NEK1: variants seen among roughly 807,000 people sequenced by gnomAD.
The protein encoded by NEK1 is NIMA related kinase 1, also known as serine/threonine-protein kinase Nek1.
Under a neutral mutation model 182.1 loss-of-function variants are expected in NEK1, and 137 were observed. The ratio of observed to expected loss-of-function variants is 0.75; its 90% CI spans 0.65 to 0.87. The LOEUF is 0.87. Ranked by LOEUF, NEK1 falls within the 40% of genes least tolerant of loss-of-function variation. The pLI is 0.00. For synonymous variants in NEK1, 513 were observed against 492.2 expected, an observed-to-expected ratio of 1.04 and a Z score of -0.56; for missense variants, 1,391 against 1,494.4, an observed-to-expected ratio of 0.93 and a Z score of 1.14.
chr4:169,477,281 A>AT lies in NEK1; in HGVS notation c.2276dup (p.Asn759LysfsTer4), dbSNP rs757851738. On this transcript the variant is annotated frameshift_variant, in exon 26 of 36. Transcript: ENST00000507142. LOFTEE classifies it high-confidence loss of function. ...CATTTATCTCAAAAGTATCAGAGAG[A>AT]TTCTGCTTTCCTTTTTCATCTTCTT... The AT allele has an allele frequency of 1.3e-6, 2 of 1,594,772 alleles. No individual in the cohort carries two copies. The highest frequency in any genetic ancestry group is 1.7e-6 in the Non-Finnish European group (2 of 1,168,958).
At chr4:169,575,006 C>T (rs1018230450) in intron 12 of NEK1, among the ~76,000 whole-genome samples, 8 of 152,028 alleles carry the variant, frequency 5.3e-5, no homozygotes, top group Non-Finnish European at 1.0e-4. Flanking sequence ...CTTTCAATGA[C>T]AAAAACCCCA....
intron 19 of NEK1, among the ~76,000 whole-genome samples, chr4:169,534,158 T>C (rs1758091841): frequency 6.6e-6 from 1 of 152,158 alleles, no homozygotes; most frequent in South Asian, 2.1e-4. Flanking sequence ...GAGGCTCATT[T>C]GCATCCATAA....
intron 3 of NEK1, 39 bp downstream of exon 3, chr4:169,602,475 A>AG (rs756711638): frequency 1.4e-5 from 16 of 1,105,010 alleles, no homozygotes; most frequent in Middle Eastern, 4.0e-4. Flanking sequence ...TATTGTAACT[A>AG]AACCATTACT....
At chr4:169,424,493 G>A in intron 31 of NEK1, 60 bp downstream of exon 31, 1 of 1,482,636 alleles carries the variant, frequency 6.7e-7, no homozygotes, top group South Asian at 1.5e-5. Flanking sequence ...GTTTATAAAA[G>A]AAAAACAATA....
chr4:169,415,811 T>C (rs6553436), intron 31 of NEK1, among the ~76,000 whole-genome samples: 124,466 of 152,096 alleles, frequency 0.82, 52,033 homozygotes, highest in South Asian at 0.92. Flanking sequence ...TTTACTGTCA[T>C]TACATCTTAG....
At chr4:169,537,445 G>T (rs1758686770) in intron 19 of NEK1, among the ~76,000 whole-genome samples, 2 of 151,984 alleles carry the variant, frequency 1.3e-5, no homozygotes, top group African/African-American at 4.8e-5. Context: ...CCACTTAAAA[G>T]TATGTAAAAC....
chr4:169,475,747 C>T (rs544997959), intron 26 of NEK1, among the ~76,000 whole-genome samples: 1 of 152,146 alleles, frequency 6.6e-6, no homozygotes, highest in African/African-American at 2.4e-5. Context: ...TAAGTAGAGA[C>T]ATGGCAGATA....
Position 169,599,161 on chromosome 4 carries a change from T to G in NEK1, c.251A>C (p.Glu84Ala). The change falls in exon 5 of 36, where the codon GAG becomes GCG. Residue 84 changes from glutamate (E) to alanine (A), a missense_variant. Glu to Ala is a moderately radical substitution (Grantham distance 107, BLOSUM62 -1). Coordinates refer to ENST00000507142, the MANE Select transcript of NEK1 (RefSeq NM_001199397.3). ...TATTCGCTTAAACAGATCCCCTCCC[T>G]CACAGTAATCCATTACTATGTAGAG... ...GSLYIVMDYC[E>A]GGDLFKRINA... 1 of 1,613,272 alleles carries G rather than the reference T, an allele frequency of 6.2e-7. No individual in the cohort carries two copies. The highest frequency in any genetic ancestry group is 1.1e-5 in the South Asian group (1 of 91,058).
At chr4:169,600,437 T>C (rs1581078953) in intron 4 of NEK1, among the ~76,000 whole-genome samples, 1 of 152,100 alleles carries the variant, frequency 6.6e-6, no homozygotes, top group East Asian at 1.9e-4. Flanking sequence ...GCTCAAGAGA[T>C]CCTCCCACCT....
chr4:169,415,479 T>C (rs1014080118), intron 31 of NEK1, among the ~76,000 whole-genome samples: 3 of 152,190 alleles, frequency 2.0e-5, no homozygotes, highest in African/African-American at 7.2e-5. Flanking sequence ...TATAATTCTC[T>C]TTTCATTTTG....
At position 169,409,396 on chromosome 4, in the gene NEK1, G is replaced by T. The variant is rs563184678; in HGVS notation, c.3223-2649C>A. On this transcript the variant is annotated intron_variant, in intron 31 of 35. Coordinates refer to ENST00000507142, the MANE Select transcript of NEK1 (RefSeq NM_001199397.3). ...CCTGACCTCATGATCTGCCCGTCTT[G>T]GCCTCCCAAAGTGCTGGGATTACAG... 2.6e-5 allele frequency among the ~76,000 whole-genome samples: 4 copies of T among 151,974 alleles called. No individual in the cohort carries two copies. The East Asian group carries it at 7.9e-4, about 30-fold the overall frequency.
chr4:169,522,243 T>C (rs556323448), intron 19 of NEK1, among the ~76,000 whole-genome samples: 1 of 152,350 alleles, frequency 6.6e-6, no homozygotes, highest in Non-Finnish European at 1.5e-5. Context: ...TTCTATTTGT[T>C]TGCTGAGGTT....
chr4:169,409,293 C>T (rs1312234282), intron 31 of NEK1, among the ~76,000 whole-genome samples: 1 of 151,992 alleles, frequency 6.6e-6, no homozygotes, highest in African/African-American at 2.4e-5. Context: ...TACAGGCGCC[C>T]TACACCACGC....
intron 12 of NEK1, among the ~76,000 whole-genome samples, chr4:169,570,026 C>G (rs953021251): frequency 6.9e-6 from 1 of 145,818 alleles, no homozygotes; most frequent in Non-Finnish European, 1.5e-5. Flanking sequence ...TGCCCGGCCG[C>G]CATCCCATCT....
chr4:169,534,979 G>A (rs538509176), intron 19 of NEK1, among the ~76,000 whole-genome samples: 1 of 152,150 alleles, frequency 6.6e-6, no homozygotes, highest in East Asian at 1.9e-4. Flanking sequence ...AGAAAAGTGG[G>A]GGACATGGAA....
rs1199628901 is a variant in NEK1, at chr4:169,467,947, C to G, written c.2435-4552G>C. On this transcript the variant is annotated intron_variant, in intron 26 of 35. Coordinates refer to ENST00000507142, the MANE Select transcript of NEK1 (RefSeq NM_001199397.3). ...AAAAATGAATTTAACAATATGCTGC[C>G]CATAAGAAACCCATGTTAAATATAA... is the stretch of plus-strand genomic sequence containing the variant. 4.0e-5 allele frequency among the ~76,000 whole-genome samples: 6 copies of G among 151,844 alleles called. No individual in the cohort carries two copies. In the East Asian group the frequency reaches 1.2e-3, roughly 29 times the overall value.
At chr4:169,441,660 C>T (rs769630326) in intron 27 of NEK1, among the ~76,000 whole-genome samples, 1 of 152,240 alleles carries the variant, frequency 6.6e-6, no homozygotes, top group Non-Finnish European at 1.5e-5. Context: ...GAGCATCATC[C>T]AGGGGCACAG....
chr4:169,568,727 G>A (rs1324713936), intron 12 of NEK1, among the ~76,000 whole-genome samples: 1 of 152,046 alleles, frequency 6.6e-6, no homozygotes, highest in African/African-American at 2.4e-5. Flanking sequence ...TTGAGGTCAG[G>A]AGTTCGAGGC....
chr4:169,562,033 T>C, intron 13 of NEK1, 104 bp downstream of exon 13: 4 of 1,143,854 alleles, frequency 3.5e-6, no homozygotes, highest in Non-Finnish European at 4.9e-6. Context: ...GGTATTCGTT[T>C]GAAAGAAATA....
Sources: gnomAD v4.1 joint callset for allele counts (sites outside exome capture counted in the v4.1 genomes callset) on GRCh38, gnomAD v4.1.1 for gene constraint, MANE v1.5 for transcripts, NCBI Gene and HGNC (gene_info 2026-07-23, HGNC 2026-07-21) for gene names.